Variants in FBXW12 observed in about 807,000 individuals in gnomAD.
The protein encoded by FBXW12 is F-box/WD repeat-containing protein 12.
In FBXW12, 43 loss-of-function variants were observed where a neutral mutation model predicts 55.3. The observed-to-expected ratio is 0.78, with a 90% CI of 0.61 to 1.00. FBXW12 has a LOEUF of 1.00. Among genes scored for constraint, FBXW12 ranks in the 50% least tolerant of loss-of-function variants. FBXW12 has a pLI of 0.00. For missense variants in FBXW12, 524 were observed against 560.5 expected (o/e 0.93, Z 0.66); for synonymous variants, 184 against 203.8 (o/e 0.90, Z 0.83).
chr3:48,372,974 C>A, intron 2 of FBXW12, 117 bp downstream of exon 2: 1 of 975,972 alleles, frequency 1.0e-6, no homozygotes, highest in Non-Finnish European at 1.6e-6. Context: ...TAGCATTCTT[C>A]ATACTGAGGG....
chr3:48,394,422 C>A, intron 10 of FBXW12, 138 bp from the exon 11 acceptor site: 1 of 591,632 alleles, frequency 1.7e-6, no homozygotes, highest in Non-Finnish European at 3.0e-6. Context: ...TGTAGTTATT[C>A]AAAACCAAAT....
chr3:48,377,466 A>G (rs1281498486), intron 5 of FBXW12, among the ~76,000 whole-genome samples: 1 of 152,220 alleles, frequency 6.6e-6, no homozygotes, highest in Non-Finnish European at 1.5e-5. Flanking sequence ...CAACTTACAC[A>G]GCTATATGAG....
chr3:48,381,553 C>G, intron 8 of FBXW12, 147 bp from the exon 9 acceptor site: 2 of 846,584 alleles, frequency 2.4e-6, no homozygotes, highest in Non-Finnish European at 1.7e-6. Context: ...GGCCACTGGA[C>G]TACCCTTCAT....
Position 48,379,552 on chromosome 3 carries a change from G to C in FBXW12, c.768G>C (p.Leu256Phe), listed in dbSNP as rs1156342084. ...VFACGTYSRT[L>F]PQVFLTESLL... ...CATGTGGGACATACAGTCGTACCTT[G>C]CCACAGGTAGGTGCTGTTCTGTGTA... is the stretch of plus-strand genomic sequence containing the variant. Residue 256 changes from leucine (L) to phenylalanine (F), a missense_variant, in exon 7 of 11, where the codon TTG becomes TTC. Coordinates refer to ENST00000296438, the MANE Select transcript of FBXW12 (RefSeq NM_207102.2). 1 of 1,613,818 alleles carries C rather than the reference G, an allele frequency of 6.2e-7. No homozygotes were observed. Among genetic ancestry groups the C allele is most frequent in the South Asian group, 1.1e-5 (1 of 91,064 alleles).
At chr3:48,385,284 A>G (rs766144256) in intron 10 of FBXW12, among the ~76,000 whole-genome samples, 2 of 152,026 alleles carry the variant, frequency 1.3e-5, no homozygotes, top group Non-Finnish European at 2.9e-5. Context: ...AGATTCATCC[A>G]TGCTGTTGCA....
chr3:48,383,844 T>C (rs1336431180), intron 10 of FBXW12, among the ~76,000 whole-genome samples: 1 of 152,200 alleles, frequency 6.6e-6, no homozygotes, highest in Non-Finnish European at 1.5e-5. Flanking sequence ...GAATTGCCTG[T>C]GTACCTTTGT....
At chr3:48,387,399 T>C (rs1401147700) in intron 10 of FBXW12, among the ~76,000 whole-genome samples, 1 of 151,650 alleles carries the variant, frequency 6.6e-6, no homozygotes, top group Non-Finnish European at 1.5e-5. Context: ...TAGAGGCTTA[T>C]TAATTTTAAT....
At chr3:48,387,714 A>AT (rs2036867236) in intron 10 of FBXW12, among the ~76,000 whole-genome samples, 1 of 151,988 alleles carries the variant, frequency 6.6e-6, no homozygotes, top group African/African-American at 2.4e-5. Context: ...ATGCCAGACT[A>AT]TTTTTTAATT....
chr3:48,380,646 G>T, intron 7 of FBXW12, 56 bp from the exon 8 acceptor site: 3 of 1,300,782 alleles, frequency 2.3e-6, no homozygotes, highest in East Asian at 4.6e-5. Context: ...AGTCACTCCT[G>T]TACTGAGAGG....
At chr3:48,374,788 A>ATTTT (rs1560029793) in intron 4 of FBXW12, among the ~76,000 whole-genome samples, 1,512 of 95,952 alleles carry the variant, frequency 0.016, 30 homozygotes, top group African/African-American at 0.04. Flanking sequence ...TTTTTTTTTA[A>ATTTT]AAACAGAGTC....
chr3:48,373,282 C>T, intron 2 of FBXW12, 26 bp from the exon 3 acceptor site: 1 of 1,614,146 alleles, frequency 6.2e-7, no homozygotes, highest in Non-Finnish European at 8.5e-7. Context: ...TGATTGCCTG[C>T]TTGTCTCTTC....
Position 48,381,983 on chromosome 3 carries a change from A to G in FBXW12, c.1193A>G (p.Glu398Gly). 6.2e-7 allele frequency: 1 copy of G among 1,614,174 alleles called. No individual in the cohort carries two copies. Among genetic ancestry groups the G allele is most frequent in the Non-Finnish European group, 8.5e-7 (1 of 1,180,026 alleles). The change falls in exon 10 of 11, where the codon GAG becomes GGG. Residue 398 changes from glutamate to glycine, a missense_variant. Coordinates refer to ENST00000296438, the MANE Select transcript of FBXW12 (RefSeq NM_207102.2). The part of the protein sequence containing the change: ...VDPCYVLTTS[E>G]NSVHVYMWEE... ...CCTTGCTATGTGCTCACCACATCCGAGAACTCTGTGCACGTGTACATGTGG... is the reference window on the plus strand; with the variant it reads ...CCTTGCTATGTGCTCACCACATCCGGGAACTCTGTGCACGTGTACATGTGG...
chr3:48,384,995 C>T (rs558588711), intron 10 of FBXW12, among the ~76,000 whole-genome samples: 1 of 152,246 alleles, frequency 6.6e-6, no homozygotes, highest in South Asian at 2.1e-4. Flanking sequence ...AAAATCTACT[C>T]TCAGCAAATT....
Position 48,375,336 on chromosome 3 carries a change from T to G in FBXW12, c.287-18T>G. On this transcript the variant is annotated intron_variant, in intron 4 of 10. Coordinates refer to ENST00000296438, the MANE Select transcript of FBXW12 (RefSeq NM_207102.2). The stretch of plus-strand genomic sequence containing the variant: ...CCCTTAACTATCTGGTGGCCAAGTC[T>G]TCTATGTTTCCTTCTAGCATTTGAG... 1 of 1,477,996 alleles carries G rather than the reference T, an allele frequency of 6.8e-7. No homozygotes were observed. Among genetic ancestry groups the G allele is most frequent in the Non-Finnish European group, 9.5e-7 (1 of 1,057,776 alleles). The allele number at this position is 1,477,996 out of a possible 1,614,324, so 91.6% of individuals were successfully genotyped here. A position where few individuals can be genotyped will look rare whatever the true frequency, so the allele number is the denominator to read the frequency against.
rs369978633 is a variant in FBXW12, at chr3:48,381,996, C to T, written c.1206C>T (p.His402=). 4.8e-5 allele frequency: 78 copies of T among 1,614,126 alleles called. 1 individual carries two copies. Among genetic ancestry groups the T allele is most frequent in the South Asian group, 4.4e-5 (4 of 91,086 alleles). ...YVLTTSENSV[H]VYMWEEGGRH... is the part of the protein sequence containing the mutation. ...TCACCACATCCGAGAACTCTGTGCACGTGTACATGTGGGAAGAAGGAGGCC... is the reference window on the plus strand; with the variant it reads ...TCACCACATCCGAGAACTCTGTGCATGTGTACATGTGGGAAGAAGGAGGCC... Residue 402 remains histidine, a synonymous_variant, in exon 10 of 11, where the codon CAC becomes CAT. Coordinates refer to ENST00000296438, the MANE Select transcript of FBXW12 (RefSeq NM_207102.2).
At chr3:48,389,373 C>A (rs931969141) in intron 10 of FBXW12, among the ~76,000 whole-genome samples, 1 of 151,918 alleles carries the variant, frequency 6.6e-6, no homozygotes, top group Non-Finnish European at 1.5e-5. Flanking sequence ...TGTGCAAAAC[C>A]TTTTTTTGTT....
At chr3:48,376,654 T>C (rs756297025) in intron 5 of FBXW12, among the ~76,000 whole-genome samples, 2 of 152,126 alleles carry the variant, frequency 1.3e-5, no homozygotes, top group Non-Finnish European at 2.9e-5. Context: ...AAGAGGCCTT[T>C]TGGATTTCAA....
chr3:48,377,850 A>G lies in FBXW12; in HGVS notation c.406-467A>G, dbSNP rs2036706906. Among the ~76,000 whole-genome samples the G allele has an allele frequency of 2.0e-5, 3 of 152,306 alleles. No individual in the cohort carries two copies. In the South Asian group the frequency reaches 6.2e-4, roughly 32 times the overall value. ...TACTTTACAATTTTTTTAAAGGCTAAAGAATCATCTAGAAAGACAACTATT... is the reference window on the plus strand; with the variant it reads ...TACTTTACAATTTTTTTAAAGGCTAGAGAATCATCTAGAAAGACAACTATT... On this transcript the variant is annotated intron_variant, in intron 5 of 10. Transcript: ENST00000296438.
intron 7 of FBXW12, 68 bp downstream of exon 7, chr3:48,379,626 T>G: frequency 7.1e-7 from 1 of 1,417,610 alleles, no homozygotes; most frequent in Admixed American, 1.7e-5. Context: ...GCAGAGAAAC[T>G]GCAGAGCTCA....
Sources: gnomAD v4.1 joint callset for allele counts (sites outside exome capture counted in the v4.1 genomes callset) on GRCh38, gnomAD v4.1.1 for gene constraint, MANE v1.5 for transcripts, NCBI Gene and HGNC (gene_info 2026-07-23, HGNC 2026-07-21) for gene names.